PCNX2: variants seen among roughly 807,000 people sequenced by gnomAD.
PCNX2 encodes the protein pecanex-like protein 2.
In PCNX2, 168 loss-of-function variants were observed where a neutral mutation model predicts 223.8. The observed-to-expected ratio is 0.75, with a 90% confidence interval of 0.66 to 0.85. The LOEUF (loss-of-function observed/expected upper bound fraction) is 0.85, where lower values mean the gene tolerates loss of function less well. Ranked by LOEUF, PCNX2 falls within the 40% of genes least tolerant of loss-of-function variation. PCNX2 has a pLI of 0.00. For synonymous variants in PCNX2, 1,006 were observed against 1,052.6 expected (o/e 0.96, Z 0.86); for missense variants, 2,507 against 2,675.5 (o/e 0.94, Z 1.39).
chr1:233,018,952 TTG>T, intron 26 of PCNX2: 1 of 985,444 alleles, frequency 1.0e-6, no homozygotes, highest in South Asian at 4.7e-5. Flanking sequence ...TGACTGACGC[TTG>T]TAAGTGGAGT....
intron 23 of PCNX2, among the ~76,000 whole-genome samples, chr1:233,074,820 G>C (rs1255282809): frequency 1.3e-5 from 2 of 151,950 alleles, no homozygotes; most frequent in African/African-American, 4.8e-5. Context: ...CTCAAGAAAA[G>C]ATAATCAAAA....
intron 15 of PCNX2, among the ~76,000 whole-genome samples, chr1:233,180,142 C>A (rs1367022952): frequency 6.6e-6 from 1 of 152,202 alleles, no homozygotes; most frequent in Admixed American, 6.5e-5. Context: ...AGTGCTATTT[C>A]TTTGTGGCAC....
chr1:233,118,975 C>G (rs1227979830), intron 21 of PCNX2, among the ~76,000 whole-genome samples: 1 of 152,064 alleles, frequency 6.6e-6, no homozygotes, highest in African/African-American at 2.4e-5. Context: ...CTAAAGTAAT[C>G]AAGACTTCTT....
intron 21 of PCNX2, among the ~76,000 whole-genome samples, chr1:233,128,555 A>G (rs1057055157): frequency 2.6e-5 from 4 of 152,212 alleles, no homozygotes; most frequent in African/African-American, 9.6e-5. Context: ...GGCTGGTCTC[A>G]AACTCCTGAC....
intron 19 of PCNX2, among the ~76,000 whole-genome samples, chr1:233,143,899 C>T (rs1365204081): frequency 1.3e-5 from 2 of 152,094 alleles, no homozygotes; most frequent in Non-Finnish European, 2.9e-5. Context: ...CATTCTCCTG[C>T]ATTACTTGGA....
rs145650465 is a variant in PCNX2, at chr1:233,263,751, C to T, written c.154-588G>A. ...GATTAAAGGTGTGAGCCACTGTACC[C>T]GGCCTCCATGTTTGATAAGCTCTTA... On this transcript the variant is annotated intron_variant, in intron 1 of 33. Coordinates refer to ENST00000258229, the MANE Select transcript of PCNX2 (RefSeq NM_014801.4). Among the ~76,000 whole-genome samples the T allele has an allele frequency of 1.2e-4, 18 of 152,278 alleles. No homozygotes were observed. The East Asian group carries it at 2.3e-3, about 20-fold the overall frequency.
intron 22 of PCNX2, among the ~76,000 whole-genome samples, chr1:233,095,092 C>T (rs1038251126): frequency 1.6e-4 from 24 of 152,110 alleles, no homozygotes; most frequent in Non-Finnish European, 4.4e-5. Context: ...TTTCTCTCTC[C>T]GCTTCCCCTT....
intron 7 of PCNX2, among the ~76,000 whole-genome samples, chr1:233,252,014 A>C (rs1390640841): frequency 6.6e-6 from 1 of 152,262 alleles, no homozygotes; most frequent in African/African-American, 2.4e-5. Context: ...ATTATTATAC[A>C]AGCTGTAATA....
intron 19 of PCNX2, among the ~76,000 whole-genome samples, chr1:233,156,354 A>AT (rs1405523271): frequency 6.6e-6 from 1 of 152,250 alleles, no homozygotes; most frequent in African/African-American, 2.4e-5. Context: ...AAAAGGAAGT[A>AT]TATGCACCAA....
chr1:233,275,797 C>T (rs544408130), intron 1 of PCNX2, among the ~76,000 whole-genome samples: 1 of 151,692 alleles, frequency 6.6e-6, no homozygotes, highest in South Asian at 2.1e-4. Context: ...TTTGTGAGGC[C>T]GAGGTGGGCG....
intron 15 of PCNX2, among the ~76,000 whole-genome samples, chr1:233,186,235 G>T (rs1053566337): frequency 6.6e-6 from 1 of 152,014 alleles, no homozygotes; most frequent in African/African-American, 2.4e-5. Context: ...TAAACATAGG[G>T]ACATTTTTGA....
At chr1:233,306,946 T>C in the PCNX2 span, among the ~76,000 whole-genome samples, 1 of 152,228 alleles carries the variant, frequency 6.6e-6, no homozygotes, top group Non-Finnish European at 1.5e-5. Flanking sequence ...CTACAAGTAC[T>C]CTACCTTAAA....
intron 1 of PCNX2, among the ~76,000 whole-genome samples, chr1:233,268,380 T>C (rs1251643326): frequency 6.6e-6 from 1 of 152,168 alleles, no homozygotes; most frequent in African/African-American, 2.4e-5. Context: ...GTAATGCCCA[T>C]GCCCAGTGAG....
chr1:232,983,537 C>G lies in PCNX2; in HGVS notation c.*767G>C, dbSNP rs977376913. On this transcript the variant is annotated 3_prime_UTR_variant, in exon 34 of 34. Coordinates refer to ENST00000258229, the MANE Select transcript of PCNX2 (RefSeq NM_014801.4). ...AACAAGCACGCGTCCCTGTGAAGCCCGCAGGGTGCTGGCGGCCCACCAATC... is the reference window on the plus strand; with the variant it reads ...AACAAGCACGCGTCCCTGTGAAGCCGGCAGGGTGCTGGCGGCCCACCAATC... 6.6e-6 allele frequency: 1 copy of G among 152,210 alleles called. No homozygotes were observed. The highest frequency in any genetic ancestry group is 1.5e-5 in the Non-Finnish European group (1 of 68,058). 9.4% of individuals were successfully genotyped at this position (152,210 alleles called of 1,614,324 possible). A position where few individuals can be genotyped will look rare whatever the true frequency, so the allele number is the denominator to read the frequency against.
At chr1:233,165,153 G>A in intron 17 of PCNX2, among the ~76,000 whole-genome samples, 1 of 152,056 alleles carries the variant, frequency 6.6e-6, no homozygotes, top group East Asian at 1.9e-4. Context: ...TACAATTATT[G>A]TCAATTAAAA....
chr1:233,032,514 C>A (rs907347761), intron 25 of PCNX2, among the ~76,000 whole-genome samples: 1 of 152,060 alleles, frequency 6.6e-6, no homozygotes, highest in Non-Finnish European at 1.5e-5. Flanking sequence ...AGTTTCATTC[C>A]AATTTTCCCC....
chr1:233,196,206 T>A (rs1303725095), intron 15 of PCNX2, among the ~76,000 whole-genome samples: 4 of 151,998 alleles, frequency 2.6e-5, no homozygotes, highest in African/African-American at 9.7e-5. Flanking sequence ...AAAAATCATC[T>A]CAAAAGAGAT....
intron 23 of PCNX2, among the ~76,000 whole-genome samples, chr1:233,083,219 A>G (rs1673441733): frequency 6.6e-6 from 1 of 152,154 alleles, no homozygotes; most frequent in South Asian, 2.1e-4. Context: ...GAACATCTAG[A>G]TGAGGCCGAC....
At chr1:233,211,945 G>T in intron 12 of PCNX2, 1 of 309,290 alleles carries the variant, frequency 3.2e-6, no homozygotes, top group Non-Finnish European at 4.7e-6. Context: ...GACATTCTCT[G>T]CCCATTTCTC....
Sources: gnomAD v4.1 joint callset for allele counts (sites outside exome capture counted in the v4.1 genomes callset) on GRCh38, gnomAD v4.1.1 for gene constraint, MANE v1.5 for transcripts, NCBI Gene and HGNC (gene_info 2026-07-23, HGNC 2026-07-21) for gene names.